The following PLGRKT variants were observed in gnomAD, a reference collection of about 807,000 sequenced individuals.
The protein encoded by PLGRKT is plasminogen receptor with a C-terminal lysine, also known as plasminogen receptor (KT).
In PLGRKT, 22 loss-of-function variants were observed where a neutral mutation model predicts 18.5. The observed-to-expected ratio is 1.19, with a 90% CI of 0.85 to 1.70. The LOEUF is 1.70. PLGRKT is among the 40% of genes most tolerant of loss of function. PLGRKT has a pLI of 0.00. For missense variants in PLGRKT, 235 were observed against 174.4 expected (o/e 1.35, Z -1.96); for synonymous variants, 72 against 52.8 (o/e 1.36, Z -1.58).
intron 3 of PLGRKT, among the ~76,000 whole-genome samples, chr9:5,371,304 C>T (rs1175998270): frequency 6.6e-6 from 1 of 152,190 alleles, no homozygotes; most frequent in African/African-American, 2.4e-5. Flanking sequence ...CCATCCACTT[C>T]TGATATGATT....
chr9:5,384,905 A>T (rs1275171673), intron 3 of PLGRKT, among the ~76,000 whole-genome samples: 2 of 152,178 alleles, frequency 1.3e-5, no homozygotes, highest in African/African-American at 2.4e-5. Context: ...TTAAAATATA[A>T]TAATTTTGAT....
At chr9:5,432,844 T>A (rs918830961) in intron 2 of PLGRKT, among the ~76,000 whole-genome samples, 4 of 152,182 alleles carry the variant, frequency 2.6e-5, no homozygotes, top group Non-Finnish European at 4.4e-5. Flanking sequence ...CTCGGCTGGC[T>A]ACAACCTCCA....
At chr9:5,368,216 C>T (rs78881475) in intron 3 of PLGRKT, among the ~76,000 whole-genome samples, 21,766 of 152,176 alleles carry the variant, frequency 0.14, 1,810 homozygotes, top group East Asian at 0.29. Context: ...TTTGACCCAG[C>T]AATCCCATTA....
At position 5,404,422 on chromosome 9, in the gene PLGRKT, T is replaced by C. The variant is rs182228851; in HGVS notation, c.81+27475A>G. On this transcript the variant is annotated intron_variant, in intron 3 of 5. Transcript: ENST00000223864. ...AACCAGCAGCACATCAAAAAGCTTA[T>C]CCATCCCAATCAAGATGGCTTTATC... Among the ~76,000 whole-genome samples, 40 of 152,300 alleles carry C rather than the reference T, an allele frequency of 2.6e-4. No individual in the cohort carries two copies. In the East Asian group the frequency reaches 7.5e-3, roughly 29 times the overall value.
intron 3 of PLGRKT, among the ~76,000 whole-genome samples, chr9:5,402,738 G>A (rs1818179112): frequency 1.3e-5 from 2 of 151,990 alleles, no homozygotes; most frequent in African/African-American, 4.9e-5. Context: ...GAATCAGCAT[G>A]ACAGACTATT....
intron 3 of PLGRKT, among the ~76,000 whole-genome samples, chr9:5,377,783 C>A (rs1817658931): frequency 6.6e-6 from 1 of 152,126 alleles, no homozygotes; most frequent in Admixed American, 6.5e-5. Context: ...CAGTGTTTGT[C>A]CCCAGCCAAA....
intron 3 of PLGRKT, among the ~76,000 whole-genome samples, chr9:5,412,247 G>A (rs545367168): frequency 4.1e-4 from 62 of 152,198 alleles, no homozygotes; most frequent in African/African-American, 1.3e-3. Flanking sequence ...CAAGGTAGCC[G>A]TCTGAAAAAG....
intron 3 of PLGRKT, among the ~76,000 whole-genome samples, chr9:5,380,899 G>A (rs1286902204): frequency 1.3e-5 from 2 of 152,194 alleles, no homozygotes; most frequent in Admixed American, 6.5e-5. Context: ...GAGGTGATTG[G>A]ATCATGGTGG....
At chr9:5,373,527 C>T (rs1438866748) in intron 3 of PLGRKT, among the ~76,000 whole-genome samples, 1 of 152,170 alleles carries the variant, frequency 6.6e-6, no homozygotes, top group Non-Finnish European at 1.5e-5. Context: ...AGGCTGAGCA[C>T]AGTGGTTCAT....
At chr9:5,420,529 G>C (rs1225172082) in intron 3 of PLGRKT, among the ~76,000 whole-genome samples, 2 of 152,164 alleles carry the variant, frequency 1.3e-5, no homozygotes, top group African/African-American at 4.8e-5. Flanking sequence ...AGAACGAAAA[G>C]CTAAATACGG....
At chr9:5,431,435 G>A (rs535720730) in intron 3 of PLGRKT, among the ~76,000 whole-genome samples, 18 of 150,964 alleles carry the variant, frequency 1.2e-4, no homozygotes, top group African/African-American at 4.1e-4. Context: ...TAGGGAGGCT[G>A]AGGCACAAGA....
intron 3 of PLGRKT, among the ~76,000 whole-genome samples, chr9:5,396,985 A>G (rs1166850982): frequency 6.6e-6 from 1 of 152,036 alleles, no homozygotes; most frequent in Non-Finnish European, 1.5e-5. Context: ...AAAGGCAAAC[A>G]TAAGACTATT....
chr9:5,386,094 T>C (rs747142327), intron 3 of PLGRKT, among the ~76,000 whole-genome samples: 5 of 151,788 alleles, frequency 3.3e-5, no homozygotes, highest in African/African-American at 7.3e-5. Flanking sequence ...TGCAAGAAAA[T>C]GCGAATGCAC....
chr9:5,420,495 G>T (rs1027854815), intron 3 of PLGRKT, among the ~76,000 whole-genome samples: 1 of 152,198 alleles, frequency 6.6e-6, no homozygotes, highest in Non-Finnish European at 1.5e-5. Context: ...GTGGGGACAG[G>T]AGGTATGGGC....
intron 3 of PLGRKT, chr9:5,381,757 G>A: frequency 2.8e-6 from 1 of 350,998 alleles, no homozygotes; most frequent in Non-Finnish European, 4.0e-6. Flanking sequence ...TTGCCTCTGT[G>A]TAGTAGGATT....
intron 2 of PLGRKT, among the ~76,000 whole-genome samples, chr9:5,433,379 C>T (rs915033978): frequency 4.1e-5 from 6 of 148,140 alleles, no homozygotes; most frequent in South Asian, 2.2e-4. Context: ...TCTGCCTGAC[C>T]GTCCACCGTC....
intron 3 of PLGRKT, chr9:5,382,082 G>C (rs1817758126): frequency 2.4e-6 from 2 of 823,114 alleles, no homozygotes; most frequent in African/African-American, 3.7e-5. Flanking sequence ...TATTCTTAGA[G>C]AAATTCAGAA....
intron 3 of PLGRKT, among the ~76,000 whole-genome samples, chr9:5,416,752 G>C (rs995760619): frequency 6.6e-6 from 1 of 152,188 alleles, no homozygotes; most frequent in Non-Finnish European, 1.5e-5. Flanking sequence ...GTCTGTCCTG[G>C]ACCCATTGTT....
At chr9:5,426,504 T>C (rs1818704434) in intron 3 of PLGRKT, among the ~76,000 whole-genome samples, 1 of 152,192 alleles carries the variant, frequency 6.6e-6, no homozygotes, top group Admixed American at 6.5e-5. Flanking sequence ...CTCAAGTATC[T>C]CTAGAGTTAG....
Sources: gnomAD v4.1 joint callset for allele counts (sites outside exome capture counted in the v4.1 genomes callset) on GRCh38, gnomAD v4.1.1 for gene constraint, MANE v1.5 for transcripts, NCBI Gene and HGNC (gene_info 2026-07-23, HGNC 2026-07-21) for gene names.